NBPF11: variants seen among roughly 807,000 people sequenced by gnomAD.
The protein encoded by NBPF11 is NBPF member 11.
A neutral mutation model predicts 93.9 loss-of-function variants in NBPF11; 72 were observed. That is an observed-to-expected ratio of 0.77 (90% CI 0.63 to 0.93). The LOEUF (loss-of-function observed/expected upper bound fraction) is 0.93, where lower values mean the gene tolerates loss of function less well. Among genes scored for constraint, NBPF11 ranks in the 40% least tolerant of loss-of-function variants. NBPF11 has a pLI of 0.00. For synonymous variants in NBPF11, 224 were observed against 304.9 expected, an observed-to-expected ratio of 0.73 and a Z score of 2.76; for missense variants, 705 against 802.2, an observed-to-expected ratio of 0.88 and a Z score of 1.46.
intron 1 of NBPF11, among the ~76,000 whole-genome samples, chr1:148,145,204 T>TC (rs1301327892): frequency 1.5e-4 from 16 of 104,900 alleles, no homozygotes; most frequent in East Asian, 1.0e-3. Flanking sequence ...TTTCTTTCTT[T>TC]TTTTTTTTTT....
At chr1:148,119,706 A>G (rs1265572321) in intron 10 of NBPF11, among the ~76,000 whole-genome samples, 4 of 151,854 alleles carry the variant, frequency 2.6e-5, no homozygotes, top group Admixed American at 6.6e-5. Flanking sequence ...CCCAGGCTGG[A>G]GTGCAACGGC....
In NBPF11 at chr1:148,122,186, C is replaced by G. The variant is rs2149236004; in HGVS notation, c.647G>C (p.Gly216Ala). 12 of 1,612,724 alleles carry G rather than the reference C, an allele frequency of 7.4e-6. No individual in the cohort carries two copies. In the East Asian group the frequency reaches 2.7e-4, roughly 36 times the overall value. The change falls in exon 9 of 24, where the codon GGC (glycine) becomes GCC (alanine). Residue 216 changes from glycine to alanine, a missense_variant. Around this residue, in one of 12 missense-constraint regions of NBPF11, gnomAD observed 262 missense variants for 223.1 expected, o/e 1.17. Transcript: ENST00000682118. ...GTGAGGCTGGATGGAGTCACAAGGG[C>G]CGTGGCTATTTGAACAAGTGATGGC... ...ECAITCSNSH[G>A]PCDSIQPHKN...
intron 1 of NBPF11, among the ~76,000 whole-genome samples, chr1:148,148,651 G>A (rs1647364300): frequency 6.6e-6 from 1 of 152,060 alleles, no homozygotes; most frequent in African/African-American, 2.4e-5. Context: ...CCAAAATTGG[G>A]TGGAGACATT....
At chr1:148,146,123 C>A (rs1402640881) in intron 1 of NBPF11, among the ~76,000 whole-genome samples, 2 of 151,872 alleles carry the variant, frequency 1.3e-5, no homozygotes, top group South Asian at 2.1e-4. Flanking sequence ...AGCCATGGAG[C>A]GCGGCCCTGG....
chr1:148,136,758 A>G (rs1426899533), intron 3 of NBPF11, among the ~76,000 whole-genome samples: 1 of 151,846 alleles, frequency 6.6e-6, no homozygotes, highest in Non-Finnish European at 1.5e-5. Flanking sequence ...ATCATTTCAC[A>G]TTAGGGACAG....
At chr1:148,124,401 TA>T in intron 6 of NBPF11, among the ~76,000 whole-genome samples, 1 of 149,206 alleles carries the variant, frequency 6.7e-6, no homozygotes, top group African/African-American at 2.5e-5. Flanking sequence ...AAAATACACA[TA>T]GTGCATCTTG....
chr1:148,129,105 A>AATATATATACACGTGTATATGTATTATT (rs1669764242), intron 4 of NBPF11, among the ~76,000 whole-genome samples: 33 of 137,674 alleles, frequency 2.4e-4, no homozygotes, highest in African/African-American at 8.3e-4. Context: ...TATATATATA[A>AATATATATACACGTGTATATGTATTATT]TATATATACA....
intron 11 of NBPF11, among the ~76,000 whole-genome samples, chr1:148,118,410 G>T (rs1308518706): frequency 6.6e-6 from 1 of 151,330 alleles, no homozygotes; most frequent in African/African-American, 2.4e-5. Flanking sequence ...GTTTGAAAAA[G>T]AGAAAACAAG....
chr1:148,112,993 C>T (rs1300489711), intron 15 of NBPF11, among the ~76,000 whole-genome samples: 3 of 151,862 alleles, frequency 2.0e-5, no homozygotes, highest in Admixed American at 6.6e-5. Context: ...AAGGAACAAC[C>T]GGTACCAGCC....
At chr1:148,123,445 GGAGA>G (rs1335731034) in intron 7 of NBPF11, among the ~76,000 whole-genome samples, 3 of 152,164 alleles carry the variant, frequency 2.0e-5, no homozygotes, top group Non-Finnish European at 4.4e-5. Context: ...CTTTGCAGAT[GGAGA>G]GAGAGAAACT....
intron 6 of NBPF11, 123 bp downstream of exon 6, chr1:148,124,776 C>T (rs1489533393): frequency 4.9e-5 from 42 of 857,070 alleles, no homozygotes; most frequent in Admixed American, 3.7e-4. Flanking sequence ...GTGTCATGAG[C>T]CTGCCATGGC....
chr1:148,112,835 A>G (rs1283686726), intron 15 of NBPF11, among the ~76,000 whole-genome samples: 1 of 150,596 alleles, frequency 6.6e-6, no homozygotes, highest in East Asian at 2.0e-4. Flanking sequence ...TAAAGAAAAG[A>G]ATTTTCAACC....
chr1:148,108,663 G>T lies in NBPF11; in HGVS notation c.1854-9C>A, dbSNP rs1664418424. On this transcript the variant is annotated splice_polypyrimidine_tract_variant and intron_variant, in intron 17 of 23. Transcript: ENST00000682118. ...GCAGCTCCCTGCTGAGCCTGGAAAA[G>T]TGGGAAAAAGTAAAGAATAAGCCAG... is the stretch of plus-strand genomic sequence containing the variant. 2 of 939,740 alleles carry T rather than the reference G, an allele frequency of 2.1e-6. No individual in the cohort carries two copies. Among genetic ancestry groups the T allele is most frequent in the Non-Finnish European group, 1.8e-6 (1 of 567,238 alleles). The allele number at this position is 939,740 out of a possible 1,614,324, so 58.2% of individuals were successfully genotyped here. A position where few individuals can be genotyped will look rare whatever the true frequency, so the allele number is the denominator to read the frequency against.
At position 148,126,816 on chromosome 1, in the gene NBPF11, C is replaced by A. The variant is rs1669232686; in HGVS notation, c.175+13G>T. 15 of 1,594,780 alleles carry A rather than the reference C, an allele frequency of 9.4e-6. No homozygotes were observed. The South Asian group carries it at 9.9e-5, about 11-fold the overall frequency. On this transcript the variant is annotated intron_variant, in intron 5 of 23. Transcript: ENST00000682118. ...ATTCATCACTTTCATGATGGTGAGC[C>A]TATAGATCTTACTGTATTTCTTCTG...
At chr1:148,148,690 G>A (rs1216308347) in intron 1 of NBPF11, among the ~76,000 whole-genome samples, 1 of 152,052 alleles carries the variant, frequency 6.6e-6, no homozygotes, top group African/African-American at 2.4e-5. Flanking sequence ...AATTCCTCAT[G>A]GCCAAGGGGG....
At chr1:148,108,263 A>G (rs1664265582) in intron 18 of NBPF11, among the ~76,000 whole-genome samples, 1 of 151,828 alleles carries the variant, frequency 6.6e-6, no homozygotes, top group African/African-American at 2.4e-5. Context: ...TTAGGGTGCC[A>G]CAGGCATGGC....
At chr1:148,140,680 T>C (rs1399395736) in intron 2 of NBPF11, among the ~76,000 whole-genome samples, 4 of 151,368 alleles carry the variant, frequency 2.6e-5, no homozygotes, top group Non-Finnish European at 5.9e-5. Context: ...TGTGAGGGAA[T>C]TGCACATTAA....
chr1:148,126,844 G>C lies in NBPF11; in HGVS notation c.160C>G (p.Arg54Gly). Residue 54 changes from arginine (R) to glycine (G), a missense_variant, in exon 5 of 24, where the codon CGA (arginine) becomes GGA (glycine). Transcript: ENST00000682118. ...LTQLAGFLANRQKKYKYEECK... is the reference protein window; with the variant it reads ...LTQLAGFLANGQKKYKYEECK... ...TAGATCTTACTGTATTTCTTCTGTC[G>C]GTTGGCCAGGAAGCCGGCCAGTTGA... 3.2e-6 allele frequency: 5 copies of C among 1,562,950 alleles called. No homozygotes were observed. The highest frequency in any genetic ancestry group is 3.5e-6 in the Non-Finnish European group (4 of 1,141,210).
chr1:148,140,686 A>G (rs1189332057), intron 2 of NBPF11, among the ~76,000 whole-genome samples: 1,805 of 152,154 alleles, frequency 0.012, 65 homozygotes, highest in African/African-American at 0.042. Context: ...GGAATTGCAC[A>G]TTAAAACAAC....
Sources: allele counts gnomAD v4.1 joint callset (sites outside exome capture counted in the v4.1 genomes callset), GRCh38; gene constraint gnomAD v4.1.1; regional missense constraint gnomAD v4.1.1; transcripts MANE v1.5; gene names NCBI Gene and HGNC (gene_info 2026-07-23, HGNC 2026-07-21).